Variants in ZNF496 observed in about 807,000 individuals in gnomAD.
ZNF496 encodes the protein zinc finger protein 496, also known as NSD1 (nuclear receptor binding SET-domain containing 1)-interacting zinc finger protein 1.
A neutral mutation model predicts 58.9 loss-of-function variants in ZNF496; 11 were observed. The observed-to-expected ratio is 0.19, with a 90% CI of 0.12 to 0.31. ZNF496 has a LOEUF of 0.31. Ranked by LOEUF, ZNF496 falls within the 10% of genes least tolerant of loss-of-function variation. ZNF496 has a pLI of 1.00. For synonymous variants in ZNF496, 338 were observed against 318.2 expected (o/e 1.06, Z -0.66); for missense variants, 660 against 783.0 (o/e 0.84, Z 1.88).
intron 5 of ZNF496, 76 bp from the exon 6 acceptor site, chr1:247,323,306 C>A (rs947221661): frequency 2.8e-6 from 3 of 1,064,326 alleles, no homozygotes; most frequent in Admixed American, 2.1e-5. Context: ...GAGCTTCCTG[C>A]GGCTCTTCAT....
At chr1:247,321,355 G>A (rs1659958294) in intron 6 of ZNF496, among the ~76,000 whole-genome samples, 1 of 152,106 alleles carries the variant, frequency 6.6e-6, no homozygotes, top group Non-Finnish European at 1.5e-5. Flanking sequence ...GGTTGCCAGG[G>A]GCTAAGGGAA....
At chr1:247,326,037 CAT>C (rs536095555) in intron 5 of ZNF496, among the ~76,000 whole-genome samples, 3,204 of 85,274 alleles carry the variant, frequency 0.038, 64 homozygotes, top group South Asian at 0.12. Context: ...TATACACACG[CAT>C]ATATATATAT....
intron 9 of ZNF496, chr1:247,307,357 A>C: frequency 1.0e-6 from 1 of 985,440 alleles, no homozygotes; most frequent in Non-Finnish European, 1.2e-6. Context: ...GAGTCCAGCA[A>C]GGGAAGAATG....
intron 6 of ZNF496, among the ~76,000 whole-genome samples, chr1:247,315,060 CTTTTTT>C (rs67977969): frequency 4.9e-5 from 6 of 121,482 alleles, no homozygotes; most frequent in Non-Finnish European, 4.9e-5. Context: ...CTTGACTAGT[CTTTTTT>C]TTTTTTTTTT....
Position 247,309,006 on chromosome 1 carries a change from C to T in ZNF496, c.893-418G>A, listed in dbSNP as rs545420491. The T allele has an allele frequency of 5.7e-4, 107 of 188,812 alleles. No homozygotes were observed. The highest frequency in any genetic ancestry group is 5.7e-3 in the South Asian group (52 of 9,200). 11.7% of individuals were successfully genotyped at this position (188,812 alleles called of 1,614,324 possible). A position where few individuals can be genotyped will look rare whatever the true frequency, so the allele number is the denominator to read the frequency against. On this transcript the variant is annotated intron_variant, in intron 8 of 9. Coordinates refer to ENST00000682384, the MANE Select transcript of ZNF496 (RefSeq NM_032752.3). This position sits in a 1 kb window ranked among gnomAD's most constrained non-coding sequence, Gnocchi z 4.3. ...AGATGGTACAGGAGCTACTGCACCA[C>T]ACCAAGTCTCTGAACGCTTGTTCCA...
rs761007198 is a variant in ZNF496, at chr1:247,308,449, C to G, written c.1006+26G>C. 2 of 1,599,598 alleles carry G rather than the reference C, an allele frequency of 1.3e-6. No individual in the cohort carries two copies. Among genetic ancestry groups the G allele is most frequent in the East Asian group, 4.5e-5 (2 of 44,812 alleles). On this transcript the variant is annotated intron_variant, in intron 9 of 9. Transcript: ENST00000682384. The surrounding 1 kb of genome is among the most constrained non-coding windows in gnomAD (Gnocchi z 4.5). ...CACACCACAGACACACAGGGACAAA[C>G]CCATACCTCCCTGACCCTTCTTTAC...
intron 9 of ZNF496, among the ~76,000 whole-genome samples, chr1:247,303,010 T>C (rs541870387): frequency 5.5e-4 from 84 of 152,324 alleles, no homozygotes; most frequent in Admixed American, 1.1e-3. Context: ...AGACAGTGCA[T>C]GTTATGGGCG....
intron 6 of ZNF496, among the ~76,000 whole-genome samples, chr1:247,316,561 G>A (rs1298644392): frequency 1.3e-5 from 2 of 152,114 alleles, no homozygotes; most frequent in East Asian, 1.9e-4. Context: ...ACACCACAGA[G>A]CCCCCACCAG....
chr1:247,325,646 C>T (rs1056271999), intron 5 of ZNF496, among the ~76,000 whole-genome samples: 13 of 152,080 alleles, frequency 8.5e-5, no homozygotes, highest in Non-Finnish European at 1.2e-4. Context: ...ACTCTTTGAC[C>T]GATGTCTCCC....
chr1:247,298,816 C>T lies in ZNF496; in HGVS notation c.*1703G>A, dbSNP rs1222591526. The stretch of plus-strand genomic sequence containing the variant: ...GCCAACATAACCAGTCTTCCAGGAA[C>T]AATACCATGTTTTAAATTGCTTGAG... On this transcript the variant is annotated 3_prime_UTR_variant, in exon 10 of 10. Coordinates refer to ENST00000682384, the MANE Select transcript of ZNF496 (RefSeq NM_032752.3). The T allele has an allele frequency of 6.6e-6, 1 of 152,278 alleles. No homozygotes were observed. The highest frequency in any genetic ancestry group is 1.5e-5 in the Non-Finnish European group (1 of 68,070). The allele number at this position is 152,278 out of a possible 1,614,324, so 9.4% of individuals were successfully genotyped here.
At chr1:247,325,651 T>G (rs547237688) in intron 5 of ZNF496, among the ~76,000 whole-genome samples, 3 of 152,132 alleles carry the variant, frequency 2.0e-5, no homozygotes. Context: ...TTGACCGATG[T>G]CTCCCAGAGG....
chr1:247,302,085 G>A (rs926278936), intron 9 of ZNF496, among the ~76,000 whole-genome samples: 6 of 152,192 alleles, frequency 3.9e-5, no homozygotes, highest in African/African-American at 2.4e-5. Flanking sequence ...TGAGGTCCCG[G>A]CTTATGGAGC....
intron 5 of ZNF496, among the ~76,000 whole-genome samples, chr1:247,323,894 T>C (rs1448747393): frequency 1.3e-5 from 2 of 151,810 alleles, no homozygotes; most frequent in African/African-American, 4.8e-5. Flanking sequence ...GTGGGAGGAT[T>C]GCTTAAGCTC....
At chr1:247,326,996 G>A (rs1263163059) in intron 5 of ZNF496, among the ~76,000 whole-genome samples, 1 of 152,126 alleles carries the variant, frequency 6.6e-6, no homozygotes, top group Non-Finnish European at 1.5e-5. Flanking sequence ...TTCAGGGCCG[G>A]ATATTCATGG....
At chr1:247,320,441 G>GA (rs549760441) in intron 6 of ZNF496, among the ~76,000 whole-genome samples, 155 of 152,302 alleles carry the variant, frequency 1.0e-3, no homozygotes, top group African/African-American at 3.3e-3. Context: ...TCACAGAGCT[G>GA]AAAAACAGAT....
chr1:247,306,859 G>A (rs1001506410), intron 9 of ZNF496, among the ~76,000 whole-genome samples: 2 of 152,148 alleles, frequency 1.3e-5, no homozygotes, highest in African/African-American at 4.8e-5. Flanking sequence ...CTGGGCAAGT[G>A]ACTTCAGCTC....
Position 247,309,942 on chromosome 1 carries a change from G to C in ZNF496, c.785-136C>G. 1 of 1,336,786 alleles carries C rather than the reference G, an allele frequency of 7.5e-7. No individual in the cohort carries two copies. The highest frequency in any genetic ancestry group is 1.0e-6 in the Non-Finnish European group (1 of 993,386). 82.8% of individuals were successfully genotyped at this position (1,336,786 alleles called of 1,614,324 possible). On this transcript the variant is annotated intron_variant, in intron 7 of 9. Transcript: ENST00000682384. The surrounding 1 kb of genome is among the most constrained non-coding windows in gnomAD (Gnocchi z 4.3). ...TCAGGGGCGAGAAGTGAAAAGGCCA[G>C]AGCTGGCAGTGCAGGGGCAGTGGGG... is the stretch of plus-strand genomic sequence containing the variant.
intron 6 of ZNF496, among the ~76,000 whole-genome samples, chr1:247,317,577 C>T (rs10157543): frequency 0.024 from 3,591 of 152,158 alleles, 152 homozygotes; most frequent in African/African-American, 0.082. Context: ...CAAGCCCCCC[C>T]CCCGCCACCA....
At chr1:247,319,350 GTATA>G (rs1432607749) in intron 6 of ZNF496, among the ~76,000 whole-genome samples, 4 of 152,138 alleles carry the variant, frequency 2.6e-5, no homozygotes, top group Non-Finnish European at 5.9e-5. Flanking sequence ...GATAAGTTAT[GTATA>G]TATAATGTAA....
Sources: allele counts gnomAD v4.1 joint callset (sites outside exome capture counted in the v4.1 genomes callset), GRCh38; gene constraint gnomAD v4.1.1; non-coding constraint Gnocchi (gnomAD v3.1); transcripts MANE v1.5; gene names NCBI Gene and HGNC (gene_info 2026-07-23, HGNC 2026-07-21).